Variants in IHO1 observed in about 807,000 individuals in gnomAD.
IHO1 encodes the protein interactor of HORMAD1 1.
In IHO1, 13 loss-of-function variants were observed where a neutral mutation model predicts 31.0. The observed-to-expected ratio is 0.42, with a 90% CI of 0.27 to 0.67. IHO1 has a LOEUF of 0.67. Among genes scored for constraint, IHO1 ranks in the 30% least tolerant of loss-of-function variants. The pLI, the probability that IHO1 is intolerant of heterozygous loss-of-function variation, is 0.24. For synonymous variants in IHO1, 221 were observed against 248.4 expected (o/e 0.89, Z 1.04); for missense variants, 599 against 687.5 (o/e 0.87, Z 1.44).
chr3:49,235,929 CAAAAA>C (rs35209519), intron 2 of IHO1, among the ~76,000 whole-genome samples: 1 of 114,232 alleles, frequency 8.8e-6, no homozygotes, highest in African/African-American at 3.5e-5. Context: ...GACTCTGTCT[CAAAAA>C]AAAAAAAAAA....
Position 49,207,662 on chromosome 3 carries a change from G to T in IHO1, c.-15-4104G>T, listed in dbSNP as rs534752082. 2.0e-5 allele frequency among the ~76,000 whole-genome samples: 3 copies of T among 151,972 alleles called. 1 individual carries two copies. The South Asian group carries it at 6.2e-4, about 32-fold the overall frequency. On this transcript the variant is annotated intron_variant, in intron 1 of 7. Transcript: ENST00000452691. ...TCTGCCATTATTCAAAATTGTGATTGTTTCTAAAGAAATGTCTGTTTTTCA... is the reference window on the plus strand; with the variant it reads ...TCTGCCATTATTCAAAATTGTGATTTTTTCTAAAGAAATGTCTGTTTTTCA...
intron 2 of IHO1, among the ~76,000 whole-genome samples, chr3:49,234,162 GTTT>G (rs56802492): frequency 3.3e-5 from 3 of 91,932 alleles, no homozygotes; most frequent in Admixed American, 1.7e-4. Flanking sequence ...TTTTGTTGTT[GTTT>G]TTTTTTTTTT....
At chr3:49,192,389 AT>A in the IHO1 span, among the ~76,000 whole-genome samples, 1 of 152,178 alleles carries the variant, frequency 6.6e-6, no homozygotes, top group Non-Finnish European at 1.5e-5. Flanking sequence ...CCTTTGACAA[AT>A]TTTTGACTGA....
intron 2 of IHO1, among the ~76,000 whole-genome samples, chr3:49,212,543 T>G (rs2046235287): frequency 6.6e-6 from 1 of 151,060 alleles, no homozygotes; most frequent in Non-Finnish European, 1.5e-5. Flanking sequence ...GAGGGTTCCC[T>G]TCCCATCAGG....
chr3:49,248,770 C>T (rs1011319062), intron 6 of IHO1, among the ~76,000 whole-genome samples: 1 of 152,070 alleles, frequency 6.6e-6, no homozygotes, highest in Non-Finnish European at 1.5e-5. Flanking sequence ...ACAGACACAG[C>T]AGTATCACAT....
chr3:49,253,546 TCAC>T (rs1406342266), intron 6 of IHO1, among the ~76,000 whole-genome samples: 21 of 152,316 alleles, frequency 1.4e-4, no homozygotes, highest in African/African-American at 5.1e-4. Context: ...GGCCCCTTGC[TCAC>T]CATGTTTCAG....
At chr3:49,197,147 AT>A (rs71077772), upstream of IHO1, among the ~76,000 whole-genome samples, 2,468 of 126,946 alleles carry the variant, frequency 0.019, 38 homozygotes, top group African/African-American at 0.029. Flanking sequence ...CAGCCGGCTA[AT>A]TTTTTTTTTT....
intron 6 of IHO1, among the ~76,000 whole-genome samples, chr3:49,250,103 C>G (rs1450674806): frequency 6.6e-6 from 1 of 152,060 alleles, no homozygotes; most frequent in Non-Finnish European, 1.5e-5. Context: ...GAAATAAATA[C>G]TCTTCTAGAC....
chr3:49,244,756 A>G, intron 6 of IHO1, 23 bp downstream of exon 6: 1 of 1,585,626 alleles, frequency 6.3e-7, no homozygotes, highest in Non-Finnish European at 8.7e-7. Context: ...TGTTTGAGGT[A>G]TCAGCAGAGG....
chr3:49,256,762 G>A lies in IHO1; in HGVS notation c.1265G>A (p.Arg422His), dbSNP rs148765068. ...CAAAGTATGTTTTTGTGTGACCCAC[G>A]TGAACATTTGGTGATTAAACAGAAA... ...QAQSMFLCDP[R>H]EHLVIKQKDG... Residue 422 changes from arginine (R) to histidine (H), a missense_variant, in exon 8 of 8, where the codon CGT (arginine) becomes CAT (histidine). Transcript: ENST00000452691. The surrounding 1 kb of genome is among the most constrained non-coding windows in gnomAD (Gnocchi z 4.6). The A allele has an allele frequency of 2.4e-5, 39 of 1,614,098 alleles. No homozygotes were observed. The South Asian group carries it at 4.1e-4, about 17-fold the overall frequency.
chr3:49,233,135 C>A (rs2046503699), intron 2 of IHO1, among the ~76,000 whole-genome samples: 1 of 152,168 alleles, frequency 6.6e-6, no homozygotes, highest in Non-Finnish European at 1.5e-5. Flanking sequence ...GCTTGAATTG[C>A]ACCTCTCAGT....
chr3:49,253,100 GCA>G (rs1158971070), intron 6 of IHO1, among the ~76,000 whole-genome samples: 4 of 151,130 alleles, frequency 2.6e-5, no homozygotes, highest in African/African-American at 9.7e-5. Flanking sequence ...CATTCTCCTA[GCA>G]CAGTGTCTGA....
chr3:49,197,225 C>A (rs1394348714), upstream of IHO1, among the ~76,000 whole-genome samples: 2 of 150,352 alleles, frequency 1.3e-5, no homozygotes, highest in South Asian at 4.2e-4. Context: ...CTCCTGACCT[C>A]GTGATCTGCC....
chr3:49,240,212 A>ATTTTTG (rs1326146724), intron 3 of IHO1, among the ~76,000 whole-genome samples: 3 of 151,122 alleles, frequency 2.0e-5, no homozygotes, highest in Non-Finnish European at 4.4e-5. Flanking sequence ...CGCCCAGCTA[A>ATTTTTG]TTTTTGTTTT....
chr3:49,206,450 G>A (rs966598780), intron 1 of IHO1, among the ~76,000 whole-genome samples: 8 of 149,660 alleles, frequency 5.3e-5, no homozygotes, highest in African/African-American at 1.7e-4. Flanking sequence ...GGCTGGTCTC[G>A]AACTCCTGAC....
At chr3:49,249,126 A>G (rs1053481355) in intron 6 of IHO1, among the ~76,000 whole-genome samples, 1 of 152,206 alleles carries the variant, frequency 6.6e-6, no homozygotes, top group Non-Finnish European at 1.5e-5. Context: ...CACTGTGGCC[A>G]TCTAATCTAA....
At chr3:49,196,072 A>G (rs2045994521), upstream of IHO1, among the ~76,000 whole-genome samples, 1 of 151,438 alleles carries the variant, frequency 6.6e-6, no homozygotes, top group Admixed American at 6.6e-5. Flanking sequence ...CATCTCTACT[A>G]AAAACACAAA....
chr3:49,222,999 C>T (rs1397557291), intron 2 of IHO1, among the ~76,000 whole-genome samples: 3 of 152,212 alleles, frequency 2.0e-5, no homozygotes, highest in Non-Finnish European at 4.4e-5. Context: ...TTGACCAACA[C>T]TAGATCTCCT....
intron 2 of IHO1, among the ~76,000 whole-genome samples, chr3:49,216,539 C>T (rs2046288478): frequency 6.6e-6 from 1 of 152,112 alleles, no homozygotes; most frequent in Non-Finnish European, 1.5e-5. Context: ...ACCATAAAAA[C>T]CCTAGAAGGA....
Sources: allele counts gnomAD v4.1 joint callset (sites outside exome capture counted in the v4.1 genomes callset), GRCh38; gene constraint gnomAD v4.1.1; non-coding constraint Gnocchi (gnomAD v3.1); transcripts MANE v1.5; gene names NCBI Gene and HGNC (gene_info 2026-07-23, HGNC 2026-07-21).